RASSF5: variants seen among roughly 807,000 people sequenced by gnomAD.
RASSF5 encodes Ras association domain family member 5.
In RASSF5, 25 loss-of-function variants were observed where a neutral mutation model predicts 40.5. The observed-to-expected ratio is 0.62, with a 90% CI of 0.45 to 0.86. The LOEUF (loss-of-function observed/expected upper bound fraction) is 0.86. RASSF5 is among the 40% of genes least tolerant of loss of function. RASSF5 has a pLI of 0.00. For missense variants in RASSF5, 521 were observed against 572.8 expected, an observed-to-expected ratio of 0.91 and a Z score of 0.92; for synonymous variants, 246 against 252.4, an observed-to-expected ratio of 0.97 and a Z score of 0.24.
At chr1:206,523,303 C>CA (rs527672342) in intron 1 of RASSF5, among the ~76,000 whole-genome samples, 4 of 134,522 alleles carry the variant, frequency 3.0e-5, no homozygotes, top group Admixed American at 8.3e-5. Context: ...GACTTTGTCT[C>CA]AAAAAAAACC....
chr1:206,586,726 G>A, intron 5 of RASSF5, 100 bp from the exon 6 acceptor site: 3 of 904,210 alleles, frequency 3.3e-6, no homozygotes, highest in Non-Finnish European at 5.2e-6. Flanking sequence ...TCACGGATGT[G>A]AACTGGGAAG....
At chr1:206,517,890 C>T (rs781929837) in intron 1 of RASSF5, among the ~76,000 whole-genome samples, 1 of 152,138 alleles carries the variant, frequency 6.6e-6, no homozygotes, top group African/African-American at 2.4e-5. Context: ...GCCCCTCCCC[C>T]ACCCTGGGCT....
At chr1:206,557,616 G>T in intron 2 of RASSF5, 1 of 1,614,250 alleles carries the variant, frequency 6.2e-7, no homozygotes. Context: ...CTGCAGCCTG[G>T]ACGAGGAACT....
chr1:206,578,909 GATAAA>G (rs1208576966), intron 2 of RASSF5, among the ~76,000 whole-genome samples: 2 of 152,148 alleles, frequency 1.3e-5, no homozygotes, highest in East Asian at 3.8e-4. Flanking sequence ...TTGCTTTAGT[GATAAA>G]ATAAAGAAAA....
chr1:206,548,803 G>A (rs73079090), intron 2 of RASSF5, among the ~76,000 whole-genome samples: 2,235 of 152,200 alleles, frequency 0.015, 47 homozygotes, highest in African/African-American at 0.048. Context: ...GCTTGAATTC[G>A]TTCCACAGCT....
chr1:206,519,760 C>T (rs1448932024), intron 1 of RASSF5, among the ~76,000 whole-genome samples: 1 of 152,154 alleles, frequency 6.6e-6, no homozygotes, highest in Admixed American at 6.5e-5. Flanking sequence ...AAAATAGGAT[C>T]TTGACTATGA....
At chr1:206,582,045 C>T (rs910215501) in intron 2 of RASSF5, among the ~76,000 whole-genome samples, 9 of 152,174 alleles carry the variant, frequency 5.9e-5, no homozygotes, top group Admixed American at 1.3e-4. Flanking sequence ...CCTGATCCAC[C>T]CCAAGTCTGC....
chr1:206,556,419 G>T (rs1280789415), intron 2 of RASSF5, among the ~76,000 whole-genome samples: 2 of 152,230 alleles, frequency 1.3e-5, no homozygotes, highest in South Asian at 4.1e-4. Flanking sequence ...TTGATCTATT[G>T]TGGGGTAATT....
At chr1:206,538,371 T>C (rs1572320611) in intron 2 of RASSF5, 78 bp downstream of exon 2, 1 of 1,586,340 alleles carries the variant, frequency 6.3e-7, no homozygotes, top group Non-Finnish European at 8.6e-7. Flanking sequence ...TCCCAGGAGC[T>C]CTGGTGAGCA....
intron 2 of RASSF5, among the ~76,000 whole-genome samples, chr1:206,551,471 T>C (rs1283117322): frequency 6.6e-6 from 1 of 152,138 alleles, no homozygotes; most frequent in Non-Finnish European, 1.5e-5. Context: ...TGCCACACTT[T>C]AGAAGCCAGA....
intron 1 of RASSF5, among the ~76,000 whole-genome samples, chr1:206,521,207 C>T (rs530535924): frequency 6.6e-6 from 1 of 152,242 alleles, no homozygotes; most frequent in South Asian, 2.1e-4. Context: ...CTAGGTCTCT[C>T]CAGAAGTCTC....
At chr1:206,554,804 G>C (rs1245858218) in intron 2 of RASSF5, among the ~76,000 whole-genome samples, 1 of 152,138 alleles carries the variant, frequency 6.6e-6, no homozygotes, top group Non-Finnish European at 1.5e-5. Context: ...CCTGGAGGCT[G>C]GCCAACTTTG....
At position 206,560,406 on chromosome 1, in the gene RASSF5, G is replaced by A. The variant is rs1668106249; in HGVS notation, c.579+22113G>A. On this transcript the variant is annotated intron_variant, in intron 2 of 5. Transcript: ENST00000579436. The surrounding 1 kb of genome is among the most constrained non-coding windows in gnomAD (Gnocchi z 5.1). ...AGGTCTCCCCATTTCATAGGAAGGG[G>A]GTGCCTAAAGGTCAGGAGACAGCAA... Among the ~76,000 whole-genome samples, 1 of 152,212 alleles carries A rather than the reference G, an allele frequency of 6.6e-6. No homozygotes were observed. Among genetic ancestry groups the A allele is most frequent in the Non-Finnish European group, 1.5e-5 (1 of 68,036 alleles).
intron 1 of RASSF5, among the ~76,000 whole-genome samples, chr1:206,525,786 G>A (rs1397240031): frequency 6.6e-6 from 1 of 152,166 alleles, no homozygotes; most frequent in Non-Finnish European, 1.5e-5. Context: ...TGGTGTCTGA[G>A]CAACAACTGA....
At position 206,584,496 on chromosome 1, in the gene RASSF5, A is replaced by T. The variant is rs1553407102; in HGVS notation, c.800A>T (p.Glu267Val). ...RPQSIYDAIK[E>V]VNLAATTDKR... The stretch of plus-strand genomic sequence containing the variant: ...CAGTCCATCTATGATGCCATCAAGG[A>T]GGTGAACCTGGCGGCTACCACGGAC... Residue 267 changes from glutamate (E) to valine (V), a missense_variant, in exon 4 of 6, where the codon GAG (glutamate) becomes GTG (valine). Coordinates refer to ENST00000579436, the MANE Select transcript of RASSF5 (RefSeq NM_182663.4). This position sits in a 1 kb window ranked among gnomAD's most constrained non-coding sequence, Gnocchi z 4.9. 6.2e-7 allele frequency: 1 copy of T among 1,614,076 alleles called. No homozygotes were observed. Among genetic ancestry groups the T allele is most frequent in the African/African-American group, 1.3e-5 (1 of 75,004 alleles).
chr1:206,522,280 G>A (rs1666926316), intron 1 of RASSF5, among the ~76,000 whole-genome samples: 1 of 152,166 alleles, frequency 6.6e-6, no homozygotes, highest in Non-Finnish European at 1.5e-5. Flanking sequence ...TAGGAGCTGG[G>A]TAGATGTGGA....
At chr1:206,536,961 T>C (rs2103522307) in intron 1 of RASSF5, among the ~76,000 whole-genome samples, 1 of 152,274 alleles carries the variant, frequency 6.6e-6, no homozygotes, top group East Asian at 1.9e-4. Context: ...ATCCGAGCAT[T>C]TTCCCTGCGG....
At chr1:206,509,436 A>G (rs1330124987) in intron 1 of RASSF5, among the ~76,000 whole-genome samples, 1 of 152,270 alleles carries the variant, frequency 6.6e-6, no homozygotes, top group Admixed American at 6.5e-5. Context: ...AAAGGTTTGT[A>G]GAGGTACATG....
chr1:206,538,349 C>G (rs1380189946), intron 2 of RASSF5, 56 bp downstream of exon 2: 2 of 1,599,914 alleles, frequency 1.3e-6, no homozygotes, highest in Non-Finnish European at 1.7e-6. Flanking sequence ...GTGCCCCGGG[C>G]TCCACTTTCT....
Sources: allele counts gnomAD v4.1 joint callset (sites outside exome capture counted in the v4.1 genomes callset), GRCh38; gene constraint gnomAD v4.1.1; non-coding constraint Gnocchi (gnomAD v3.1); transcripts MANE v1.5; gene names NCBI Gene and HGNC (gene_info 2026-07-23, HGNC 2026-07-21).